The following LRP1B variants were observed in gnomAD, a reference collection of about 807,000 sequenced individuals.
The protein encoded by LRP1B is low-density lipoprotein receptor-related protein 1B.
Under a neutral mutation model 556.6 loss-of-function variants are expected in LRP1B, and 217 were observed. The ratio of observed to expected loss-of-function variants is 0.39; its 90% CI spans 0.35 to 0.44. LRP1B has a LOEUF of 0.44. Among genes scored for constraint, LRP1B ranks in the 20% least tolerant of loss-of-function variants. The pLI, the probability that LRP1B is intolerant of heterozygous loss-of-function variation, is 1.00. For synonymous variants in LRP1B, 2,047 were observed against 1,865.8 expected (o/e 1.10, Z -2.50); for missense variants, 5,053 against 5,620.8 (o/e 0.90, Z 3.23).
chr2:140,847,627 C>T (rs900130298), intron 29 of LRP1B, among the ~76,000 whole-genome samples: 1 of 151,992 alleles, frequency 6.6e-6, no homozygotes, highest in Admixed American at 6.6e-5. Flanking sequence ...ATTAGCCAGG[C>T]ATGGTGGTGT....
At position 141,123,472 on chromosome 2, in the gene LRP1B, TTAATAAA is replaced by T. The variant is rs568462675; in HGVS notation, c.1014-61206_1014-61200del. On this transcript the variant is annotated intron_variant, in intron 7 of 90. Transcript: ENST00000389484. ...TATCTGGTTAATTTTAGTTAGATAA[TTAATAAA>T]TATTTTAAAAGCATCTATGTTTTGA... Among the ~76,000 whole-genome samples the T allele has an allele frequency of 1.7e-4, 25 of 150,430 alleles. No homozygotes were observed. The East Asian group carries it at 4.4e-3, about 27-fold the overall frequency.
At chr2:140,957,717 G>A (rs1695915632) in intron 18 of LRP1B, among the ~76,000 whole-genome samples, 1 of 151,428 alleles carries the variant, frequency 6.6e-6, no homozygotes, top group South Asian at 2.1e-4. Flanking sequence ...TGCCTCCAAA[G>A]GCAGTAAAAG....
chr2:141,024,695 T>C (rs182177106), intron 11 of LRP1B, among the ~76,000 whole-genome samples: 1 of 152,192 alleles, frequency 6.6e-6, no homozygotes, highest in African/African-American at 2.4e-5. Flanking sequence ...CCATGAATTC[T>C]GGTAGAAGAC....
intron 1 of LRP1B, among the ~76,000 whole-genome samples, chr2:141,912,945 A>T (rs1267604537): frequency 6.6e-6 from 1 of 152,178 alleles, no homozygotes; most frequent in East Asian, 1.9e-4. Context: ...TAACTTGCTT[A>T]TGAAGGCTCC....
chr2:140,635,888 A>C (rs1684055218), intron 41 of LRP1B, among the ~76,000 whole-genome samples: 1 of 152,116 alleles, frequency 6.6e-6, no homozygotes, highest in South Asian at 2.1e-4. Flanking sequence ...GAACACCATC[A>C]ATCAGGCAAA....
At chr2:141,594,678 GATC>G (rs1687457140) in intron 2 of LRP1B, among the ~76,000 whole-genome samples, 1 of 152,062 alleles carries the variant, frequency 6.6e-6, no homozygotes, top group Non-Finnish European at 1.5e-5. Context: ...TGACTACATT[GATC>G]AGATAGCCAG....
intron 2 of LRP1B, among the ~76,000 whole-genome samples, chr2:141,536,871 T>A (rs1012918200): frequency 6.6e-6 from 1 of 152,058 alleles, no homozygotes; most frequent in South Asian, 2.1e-4. Context: ...AATTAAAATA[T>A]CTGTGCCAGA....
chr2:140,788,825 A>AT (rs1690003848), intron 32 of LRP1B, among the ~76,000 whole-genome samples: 1 of 152,212 alleles, frequency 6.6e-6, no homozygotes, highest in African/African-American at 2.4e-5. Flanking sequence ...GAGTCTTAAA[A>AT]GAGATAATTA....
At chr2:141,207,302 A>T (rs1412823152) in intron 6 of LRP1B, among the ~76,000 whole-genome samples, 1 of 152,232 alleles carries the variant, frequency 6.6e-6, no homozygotes, top group African/African-American at 2.4e-5. Context: ...TATAAAGATA[A>T]ATTACAGACT....
intron 7 of LRP1B, among the ~76,000 whole-genome samples, chr2:141,154,720 C>T (rs2105093871): frequency 6.6e-6 from 1 of 151,936 alleles, no homozygotes. Context: ...CAGAATCATC[C>T]TCTAATTCTG....
chr2:141,660,540 C>T (rs1263350978), intron 2 of LRP1B, among the ~76,000 whole-genome samples: 1 of 152,118 alleles, frequency 6.6e-6, no homozygotes, highest in African/African-American at 2.4e-5. Flanking sequence ...CCAGGGTGTA[C>T]CACAGCAGCT....
chr2:140,617,136 A>G (rs956272033), intron 41 of LRP1B, among the ~76,000 whole-genome samples: 1 of 151,932 alleles, frequency 6.6e-6, no homozygotes, highest in Non-Finnish European at 1.5e-5. Context: ...TTAAGAGTTT[A>G]TGCTATTTAA....
At chr2:140,738,964 C>T (rs1006539597) in intron 35 of LRP1B, among the ~76,000 whole-genome samples, 24 of 152,074 alleles carry the variant, frequency 1.6e-4, no homozygotes, top group African/African-American at 2.7e-4. Context: ...AACAGCAATA[C>T]GGGGTCTCTG....
At chr2:141,416,196 G>C (rs760110600) in intron 3 of LRP1B, among the ~76,000 whole-genome samples, 1 of 152,128 alleles carries the variant, frequency 6.6e-6, no homozygotes, top group Admixed American at 6.5e-5. Flanking sequence ...ACCAGGTGAG[G>C]CTTTCTCCTA....
At chr2:141,264,392 C>T (rs1367692114) in intron 3 of LRP1B, among the ~76,000 whole-genome samples, 1 of 152,132 alleles carries the variant, frequency 6.6e-6, no homozygotes, top group Non-Finnish European at 1.5e-5. Flanking sequence ...AAGGTGGAAG[C>T]TGTGGACCAA....
intron 1 of LRP1B, among the ~76,000 whole-genome samples, chr2:141,835,083 A>T (rs1386701187): frequency 6.6e-6 from 1 of 152,028 alleles, no homozygotes; most frequent in Non-Finnish European, 1.5e-5. Context: ...TCAGTTCATA[A>T]AAAATGTTTC....
intron 20 of LRP1B, among the ~76,000 whole-genome samples, chr2:140,936,339 CAAAAAAAAAAA>C (rs59717868): frequency 9.9e-4 from 86 of 86,824 alleles, no homozygotes; most frequent in Non-Finnish European, 1.6e-3. Flanking sequence ...GACTCCGTCT[CAAAAAAAAAAA>C]AAAAAAAAAA....
rs760658860 is a variant in LRP1B, at chr2:140,378,242, C to G, written c.10576G>C (p.Asp3526His). The change falls in exon 68 of 91, where the codon GAC becomes CAC. Residue 3526 changes from aspartate (D) to histidine (H), a missense_variant. Physicochemically the swap from Asp to His is moderately conservative, Grantham distance 81. Coordinates refer to ENST00000389484, the MANE Select transcript of LRP1B (RefSeq NM_018557.3). The part of the protein sequence containing the change: ...TLKDFLCANG[D>H]CVSSRFWCDG... ...CACCAAAACCTTGAAGAAACACAGT[C>G]CCCATTGGCACAGAGGAAATCTTTC... 1.1e-5 allele frequency: 17 copies of G among 1,613,474 alleles called. No individual in the cohort carries two copies. In the African/African-American group the frequency reaches 2.1e-4, roughly 20 times the overall value.
At chr2:140,395,700 T>C (rs1294321423) in intron 66 of LRP1B, among the ~76,000 whole-genome samples, 6 of 152,228 alleles carry the variant, frequency 3.9e-5, no homozygotes, top group Middle Eastern at 3.2e-3. Flanking sequence ...ATATTTTCTT[T>C]ATAAAGAGGT....
Sources: allele counts gnomAD v4.1 joint callset (sites outside exome capture counted in the v4.1 genomes callset), GRCh38; gene constraint gnomAD v4.1.1; transcripts MANE v1.5; gene names NCBI Gene and HGNC (gene_info 2026-07-23, HGNC 2026-07-21).